Variants in GALNT13 observed in about 807,000 individuals in gnomAD.
GALNT13 encodes the protein UDP-GalNAc:polypeptide N-acetylgalactosaminyltransferase 13.
GALNT13 carries 28 observed loss-of-function variants against 64.2 expected under a neutral mutation model. The observed-to-expected ratio is 0.44, with a 90% CI of 0.32 to 0.60. GALNT13 has a LOEUF of 0.60. Among genes scored for constraint, GALNT13 ranks in the 20% least tolerant of loss-of-function variants. GALNT13 has a pLI of 0.05. For missense variants in GALNT13, 577 were observed against 669.8 expected (o/e 0.86, Z 1.53); for synonymous variants, 214 against 224.6 (o/e 0.95, Z 0.42).
chr2:153,251,898 C>G, the GALNT13 span, among the ~76,000 whole-genome samples: 1 of 151,818 alleles, frequency 6.6e-6, no homozygotes, highest in East Asian at 1.9e-4. Flanking sequence ...GGTTCCAAGT[C>G]TTTGCTATTG....
At chr2:153,619,478 T>C in the GALNT13 span, among the ~76,000 whole-genome samples, 1 of 152,120 alleles carries the variant, frequency 6.6e-6, no homozygotes, top group African/African-American at 2.4e-5. Context: ...TATTCTGAGT[T>C]TTTTTCTGTG....
chr2:153,554,791 T>A, the GALNT13 span, among the ~76,000 whole-genome samples: 1 of 152,174 alleles, frequency 6.6e-6, no homozygotes, highest in Non-Finnish European at 1.5e-5. Flanking sequence ...CCTATGTTAA[T>A]GCCTAATTTA....
intron 2 of GALNT13, among the ~76,000 whole-genome samples, chr2:153,920,221 A>G (rs918705716): frequency 1.3e-5 from 2 of 151,524 alleles, no homozygotes; most frequent in South Asian, 4.1e-4. Context: ...TGAAAAAATA[A>G]CTTAGAATAT....
the GALNT13 span, among the ~76,000 whole-genome samples, chr2:153,798,480 G>A: frequency 6.6e-6 from 1 of 152,108 alleles, no homozygotes; most frequent in African/African-American, 2.4e-5. Flanking sequence ...CATCTACTAA[G>A]ATAAATGCAG....
the GALNT13 span, among the ~76,000 whole-genome samples, chr2:153,662,023 A>G: frequency 2.0e-5 from 3 of 152,136 alleles, no homozygotes; most frequent in Admixed American, 6.6e-5. Context: ...TAGATCGTGC[A>G]CTGCACAGAT....
chr2:154,034,548 C>T (rs897611914), intron 3 of GALNT13, among the ~76,000 whole-genome samples: 4 of 141,552 alleles, frequency 2.8e-5, no homozygotes, highest in Admixed American at 6.9e-5. Flanking sequence ...TAGTGTACGT[C>T]GTACTCATTA....
At chr2:153,794,243 A>G in the GALNT13 span, among the ~76,000 whole-genome samples, 1 of 152,218 alleles carries the variant, frequency 6.6e-6, no homozygotes, top group Non-Finnish European at 1.5e-5. Context: ...TGATTTAAAA[A>G]TTATAAACAT....
chr2:153,103,539 T>C, the GALNT13 span, among the ~76,000 whole-genome samples: 3,322 of 152,344 alleles, frequency 0.022, 131 homozygotes, highest in African/African-American at 0.076. Context: ...AAGATTAGCT[T>C]AACCTGTTTT....
the GALNT13 span, among the ~76,000 whole-genome samples, chr2:153,629,514 C>T: frequency 6.6e-6 from 1 of 152,148 alleles, no homozygotes; most frequent in Non-Finnish European, 1.5e-5. Context: ...GGATTAAAGA[C>T]TTCAATGTTA....
chr2:153,711,800 C>T, the GALNT13 span, among the ~76,000 whole-genome samples: 9 of 152,122 alleles, frequency 5.9e-5, no homozygotes, highest in African/African-American at 2.2e-4. Flanking sequence ...TCAGTTGTTG[C>T]TGCAACAGGG....
At chr2:153,443,178 T>G in the GALNT13 span, among the ~76,000 whole-genome samples, 2 of 152,178 alleles carry the variant, frequency 1.3e-5, no homozygotes, top group Non-Finnish European at 2.9e-5. Flanking sequence ...CCTGGTAGCA[T>G]AGGCACCCAA....
the GALNT13 span, among the ~76,000 whole-genome samples, chr2:153,346,340 T>G: frequency 3.3e-5 from 5 of 152,168 alleles, no homozygotes; most frequent in East Asian, 1.9e-4. Flanking sequence ...ACAAATTGCT[T>G]TTAGAGACTA....
At chr2:154,353,329 C>T (rs929927741) in intron 9 of GALNT13, among the ~76,000 whole-genome samples, 4 of 152,132 alleles carry the variant, frequency 2.6e-5, no homozygotes, top group African/African-American at 7.2e-5. Context: ...CTGAGGTTTA[C>T]ATATGAAGTT....
At chr2:154,045,922 T>C (rs1699256409) in intron 3 of GALNT13, among the ~76,000 whole-genome samples, 1 of 152,068 alleles carries the variant, frequency 6.6e-6, no homozygotes, top group South Asian at 2.1e-4. Flanking sequence ...TCTTTCTCTG[T>C]CTAGTAAGTC....
the GALNT13 span, among the ~76,000 whole-genome samples, chr2:153,327,745 C>A: frequency 6.6e-6 from 1 of 151,996 alleles, no homozygotes; most frequent in African/African-American, 2.4e-5. Context: ...GAACATGTTC[C>A]TTTAGCTCGG....
the GALNT13 span, among the ~76,000 whole-genome samples, chr2:153,606,865 G>GTT: frequency 1.7e-4 from 21 of 122,928 alleles, no homozygotes; most frequent in Admixed American, 6.5e-4. Flanking sequence ...ATGTCGTCAG[G>GTT]TTTTTTTTTT....
At chr2:153,227,426 C>A in the GALNT13 span, among the ~76,000 whole-genome samples, 1 of 151,980 alleles carries the variant, frequency 6.6e-6, no homozygotes, top group East Asian at 1.9e-4. Context: ...AGATGAAGAC[C>A]ATTAGAGGTG....
intron 4 of GALNT13, among the ~76,000 whole-genome samples, chr2:154,230,945 G>T (rs1011048026): frequency 3.9e-5 from 6 of 152,026 alleles, no homozygotes; most frequent in South Asian, 4.2e-4. Context: ...TTATTAATAG[G>T]CTAAATGCAG....
the GALNT13 span, among the ~76,000 whole-genome samples, chr2:153,399,406 G>A: frequency 0.011 from 1,663 of 152,228 alleles, 35 homozygotes; most frequent in Non-Finnish European, 0.012. Flanking sequence ...TGGTGATGTG[G>A]GCTCTTTTTT....
Sources: allele counts gnomAD v4.1 joint callset (sites outside exome capture counted in the v4.1 genomes callset), GRCh38; gene constraint gnomAD v4.1.1; transcripts MANE v1.5; gene names NCBI Gene and HGNC (gene_info 2026-07-23, HGNC 2026-07-21).